ME3: variants seen among roughly 807,000 people sequenced by gnomAD.
ME3 encodes malic enzyme 3.
In ME3, 48 loss-of-function variants were observed where a neutral mutation model predicts 68.9. The ratio of observed to expected loss-of-function variants is 0.70; its 90% CI spans 0.55 to 0.89. The LOEUF is 0.89. Among genes scored for constraint, ME3 ranks in the 40% least tolerant of loss-of-function variants. The pLI, the probability that ME3 is intolerant of heterozygous loss-of-function variation, is 0.00. For synonymous variants in ME3, 320 were observed against 318.8 expected (o/e 1.00, Z -0.04); for missense variants, 675 against 797.4 (o/e 0.85, Z 1.85).
chr11:86,446,534 G>T (rs771393541), intron 12 of ME3, 47 bp from the exon 13 acceptor site: 17 of 1,582,896 alleles, frequency 1.1e-5, no homozygotes, highest in Non-Finnish European at 1.5e-5. Context: ...ATTGGTTTGG[G>T]GTAATAATAG....
At chr11:86,591,783 T>C (rs970429057) in intron 2 of ME3, among the ~76,000 whole-genome samples, 1 of 152,094 alleles carries the variant, frequency 6.6e-6, no homozygotes, top group Non-Finnish European at 1.5e-5. Context: ...TTTAAAATCA[T>C]CAGATCTCGT....
intron 5 of ME3, among the ~76,000 whole-genome samples, chr11:86,501,388 A>G (rs752134393): frequency 2.6e-5 from 4 of 152,354 alleles, no homozygotes; most frequent in Non-Finnish European, 2.9e-5. Flanking sequence ...ATTAACACAG[A>G]AAGACCATGC....
At chr11:86,655,442 C>A (rs1945796241) in intron 2 of ME3, among the ~76,000 whole-genome samples, 1 of 152,058 alleles carries the variant, frequency 6.6e-6, no homozygotes, top group Non-Finnish European at 1.5e-5. Flanking sequence ...GAAATAACGC[C>A]ACGTATCTAC....
At chr11:86,603,285 A>G (rs558035489) in intron 2 of ME3, among the ~76,000 whole-genome samples, 7 of 152,118 alleles carry the variant, frequency 4.6e-5, no homozygotes, top group Non-Finnish European at 7.4e-5. Context: ...AAAAGTGGGC[A>G]AAGGATATGA....
chr11:86,465,257 A>C, intron 7 of ME3, 57 bp from the exon 8 acceptor site: 1 of 1,307,048 alleles, frequency 7.7e-7, no homozygotes, highest in Non-Finnish European at 1.1e-6. Flanking sequence ...GATCCCTGAC[A>C]GATCCCAGCT....
At chr11:86,468,700 C>A (rs1217443847) in intron 7 of ME3, among the ~76,000 whole-genome samples, 1 of 152,124 alleles carries the variant, frequency 6.6e-6, no homozygotes, top group Admixed American at 6.6e-5. Context: ...CCCTGTACAT[C>A]CAAATACAGG....
At chr11:86,569,822 G>A (rs1957691319) in intron 2 of ME3, among the ~76,000 whole-genome samples, 1 of 152,154 alleles carries the variant, frequency 6.6e-6, no homozygotes, top group South Asian at 2.1e-4. Flanking sequence ...ACAGCAAGCT[G>A]GTGGGAAAAC....
chr11:86,653,016 A>G (rs1431633982), intron 2 of ME3, among the ~76,000 whole-genome samples: 4 of 152,202 alleles, frequency 2.6e-5, no homozygotes, highest in Non-Finnish European at 4.4e-5. Context: ...ACATAATGGT[A>G]AAGGGATCAA....
At chr11:86,480,312 C>G (rs999315212) in intron 7 of ME3, among the ~76,000 whole-genome samples, 4 of 152,210 alleles carry the variant, frequency 2.6e-5, no homozygotes, top group African/African-American at 4.8e-5. Context: ...GGTTGCAGTA[C>G]CTACTGTTTC....
In ME3 at chr11:86,577,699, A is replaced by G. The variant is rs185007256; in HGVS notation, c.184-17876T>C. Among the ~76,000 whole-genome samples, 112 of 152,368 alleles carry G rather than the reference A, an allele frequency of 7.4e-4. 1 individual carries two copies. The highest frequency in any genetic ancestry group is 2.6e-3 in the African/African-American group (107 of 41,584). ...ATTAACTCAAGTGCTTTATAAAAAT[A>G]AAATTCATTACACAAGTGTCTATAT... On this transcript the variant is annotated intron_variant, in intron 2 of 14. Transcript: ENST00000543262.
At chr11:86,637,064 C>T (rs1386414233) in intron 2 of ME3, among the ~76,000 whole-genome samples, 3 of 152,000 alleles carry the variant, frequency 2.0e-5, no homozygotes, top group East Asian at 3.9e-4. Flanking sequence ...CAAAAAATGG[C>T]GAAAAAAATG....
chr11:86,521,414 A>AAAAAC (rs1954281942), intron 4 of ME3, among the ~76,000 whole-genome samples: 2 of 108,152 alleles, frequency 1.8e-5, no homozygotes, highest in South Asian at 2.9e-4. Context: ...CAAACAAAAC[A>AAAAAC]AAACAAAACA....
intron 8 of ME3, chr11:86,457,882 A>ACTACATTTTCAGC: frequency 9.4e-7 from 1 of 1,062,084 alleles, no homozygotes; most frequent in Non-Finnish European, 1.2e-6. Flanking sequence ...ACATGCTGAA[A>ACTACATTTTCAGC]ATGTAGTTTC....
intron 2 of ME3, among the ~76,000 whole-genome samples, chr11:86,656,723 A>G (rs1233226106): frequency 6.6e-6 from 1 of 152,172 alleles, no homozygotes; most frequent in Non-Finnish European, 1.5e-5. Flanking sequence ...CGTTGTGCAC[A>G]TGTACCCTAA....
chr11:86,440,681 G>C (rs977437132), downstream of ME3, among the ~76,000 whole-genome samples: 2 of 152,176 alleles, frequency 1.3e-5, no homozygotes, highest in Non-Finnish European at 2.9e-5. Flanking sequence ...ACACACTGCC[G>C]AGACTTGAAG....
chr11:86,549,639 A>T (rs1294735366), intron 4 of ME3, among the ~76,000 whole-genome samples: 1 of 152,206 alleles, frequency 6.6e-6, no homozygotes, highest in Non-Finnish European at 1.5e-5. Flanking sequence ...CTCCTATCTA[A>T]TCTATTATTG....
chr11:86,543,788 C>G (rs1340794080), intron 4 of ME3, among the ~76,000 whole-genome samples: 1 of 152,196 alleles, frequency 6.6e-6, no homozygotes, highest in African/African-American at 2.4e-5. Flanking sequence ...TTGAACTCAG[C>G]TCTGGACCAA....
chr11:86,465,420 C>G (rs974572202), intron 7 of ME3, among the ~76,000 whole-genome samples: 2 of 152,050 alleles, frequency 1.3e-5, no homozygotes, highest in Non-Finnish European at 2.9e-5. Context: ...AGAGTAGGAC[C>G]CTGGCTTTGG....
chr11:86,497,644 T>C (rs1254424106), intron 6 of ME3, among the ~76,000 whole-genome samples: 4 of 151,764 alleles, frequency 2.6e-5, no homozygotes, highest in Admixed American at 1.3e-4. Context: ...TCAAGGGAAA[T>C]AGAAACTGCC....
Sources: gnomAD v4.1 joint callset for allele counts (sites outside exome capture counted in the v4.1 genomes callset) on GRCh38, gnomAD v4.1.1 for gene constraint, MANE v1.5 for transcripts, NCBI Gene and HGNC (gene_info 2026-07-23, HGNC 2026-07-21) for gene names.